RALYL: variants seen among roughly 807,000 people sequenced by gnomAD.
RALYL encodes RNA-binding Raly-like protein.
Under a neutral mutation model 35.1 loss-of-function variants are expected in RALYL, and 29 were observed. The ratio of observed to expected loss-of-function variants is 0.83; its 90% confidence interval spans 0.61 to 1.13. RALYL has a LOEUF of 1.13. RALYL is among the 50% of genes most tolerant of loss of function. The pLI, the probability that RALYL is intolerant of heterozygous loss-of-function variation, is 0.00. For missense variants in RALYL, 359 were observed against 360.4 expected (o/e 1.00, Z 0.03); for synonymous variants, 120 against 127.6 (o/e 0.94, Z 0.40).
At chr8:84,514,230 A>G (rs1005289465) in intron 1 of RALYL, among the ~76,000 whole-genome samples, 1 of 152,092 alleles carries the variant, frequency 6.6e-6, no homozygotes, top group South Asian at 2.1e-4. Flanking sequence ...TGCTACTTCT[A>G]AAAGTAATAA....
At position 84,400,424 on chromosome 8, in the gene RALYL, G is replaced by C. The variant is rs181383896; in HGVS notation, c.-23-128875G>C. Among the ~76,000 whole-genome samples, 9 of 152,264 alleles carry C rather than the reference G, an allele frequency of 5.9e-5. No individual in the cohort carries two copies. In the East Asian group the frequency reaches 7.7e-4, roughly 13 times the overall value. ...TTTTCAGACTTGGGATGCTCAGCCT[G>C]TGCTGGAATTGCAAGAATGTTCAGA... On this transcript the variant is annotated intron_variant, in intron 1 of 8. Transcript: ENST00000521268.
chr8:84,563,525 A>T (rs537397043), intron 2 of RALYL, among the ~76,000 whole-genome samples: 1 of 151,882 alleles, frequency 6.6e-6, no homozygotes, highest in African/African-American at 2.4e-5. Context: ...GGGCAGATTT[A>T]GAGCCTTTAG....
At chr8:84,623,364 AG>A (rs1268237238) in intron 2 of RALYL, among the ~76,000 whole-genome samples, 1 of 152,208 alleles carries the variant, frequency 6.6e-6, no homozygotes, top group African/African-American at 2.4e-5. Context: ...TTCACTTCAA[AG>A]GGCATATCTT....
At chr8:84,395,745 ACT>A (rs1861629895) in intron 1 of RALYL, among the ~76,000 whole-genome samples, 1 of 151,840 alleles carries the variant, frequency 6.6e-6, no homozygotes, top group Non-Finnish European at 1.5e-5. Context: ...TTTAAAATAT[ACT>A]CTCTTTTTTG....
chr8:84,660,799 G>T (rs552529464), intron 2 of RALYL, among the ~76,000 whole-genome samples: 39 of 152,124 alleles, frequency 2.6e-4, no homozygotes, highest in Middle Eastern at 3.5e-3. Context: ...ACTTCATATA[G>T]AACAAATTTT....
chr8:84,755,630 T>C (rs1182980895), intron 2 of RALYL, among the ~76,000 whole-genome samples: 4 of 152,160 alleles, frequency 2.6e-5, no homozygotes, highest in African/African-American at 7.2e-5. Flanking sequence ...GCTGTGTCTG[T>C]ATAAAAGTGC....
intron 2 of RALYL, among the ~76,000 whole-genome samples, chr8:84,546,476 T>G (rs2135357264): frequency 6.6e-6 from 1 of 152,308 alleles, no homozygotes; most frequent in Middle Eastern, 3.4e-3. Flanking sequence ...GTCAAACGTC[T>G]TTTTAGCATC....
intron 1 of RALYL, among the ~76,000 whole-genome samples, chr8:84,306,635 C>A (rs1841869953): frequency 6.6e-6 from 1 of 152,110 alleles, no homozygotes; most frequent in Non-Finnish European, 1.5e-5. Flanking sequence ...TGTTGGGCCC[C>A]CTTGTCTCAC....
At chr8:84,762,675 A>C (rs1034241139) in intron 2 of RALYL, among the ~76,000 whole-genome samples, 2 of 152,168 alleles carry the variant, frequency 1.3e-5, no homozygotes, top group Non-Finnish European at 2.9e-5. Flanking sequence ...TAGCTGCATT[A>C]CCTTGTGCAA....
chr8:84,319,712 G>T (rs1397135204), intron 1 of RALYL, among the ~76,000 whole-genome samples: 1 of 152,030 alleles, frequency 6.6e-6, no homozygotes, highest in East Asian at 1.9e-4. Flanking sequence ...AGTTATTGGT[G>T]CACAGAAGAG....
At chr8:84,571,346 G>A (rs1476195860) in intron 2 of RALYL, among the ~76,000 whole-genome samples, 2 of 151,676 alleles carry the variant, frequency 1.3e-5, no homozygotes, top group South Asian at 4.1e-4. Context: ...ATCTTGGCTG[G>A]TTGTAAGTTT....
intron 1 of RALYL, among the ~76,000 whole-genome samples, chr8:84,371,546 CA>C: frequency 6.7e-6 from 1 of 149,802 alleles, no homozygotes; most frequent in Non-Finnish European, 1.5e-5. Flanking sequence ...TTATCACACA[CA>C]CACACACACA....
intron 2 of RALYL, chr8:84,679,481 T>C: frequency 3.0e-6 from 1 of 332,982 alleles, no homozygotes; most frequent in South Asian, 2.6e-5. Context: ...ATAGGACTGA[T>C]GCTTGCTTCA....
chr8:84,508,844 A>G (rs2057381513), intron 1 of RALYL, among the ~76,000 whole-genome samples: 1 of 127,500 alleles, frequency 7.8e-6, no homozygotes, highest in African/African-American at 2.9e-5. Context: ...TATAAAAATT[A>G]TAATAAAAAC....
At chr8:84,655,911 C>G (rs1408686438) in intron 2 of RALYL, among the ~76,000 whole-genome samples, 1 of 152,140 alleles carries the variant, frequency 6.6e-6, no homozygotes, top group East Asian at 1.9e-4. Context: ...TCCCCTGAAT[C>G]AGCAACCTTG....
At chr8:84,865,785 G>C (rs929039029) in intron 6 of RALYL, among the ~76,000 whole-genome samples, 5 of 152,164 alleles carry the variant, frequency 3.3e-5, no homozygotes, top group African/African-American at 1.2e-4. Flanking sequence ...TAACAAGAAA[G>C]ACTCTAGTAA....
chr8:84,345,339 C>T (rs1849641826), intron 1 of RALYL, among the ~76,000 whole-genome samples: 1 of 151,924 alleles, frequency 6.6e-6, no homozygotes, highest in Admixed American at 6.6e-5. Flanking sequence ...TATCTGCCAA[C>T]TTTTCATTAG....
intron 2 of RALYL, among the ~76,000 whole-genome samples, chr8:84,579,414 T>G (rs1211658424): frequency 1.1e-4 from 16 of 152,272 alleles, no homozygotes; most frequent in Admixed American, 9.1e-4. Context: ...GCTGCAGCTG[T>G]GCCCAGGAGC....
At chr8:84,779,584 A>G (rs1817620968) in intron 3 of RALYL, among the ~76,000 whole-genome samples, 1 of 152,194 alleles carries the variant, frequency 6.6e-6, no homozygotes, top group Non-Finnish European at 1.5e-5. Flanking sequence ...TGACCATGAG[A>G]ATCAAGATTG....
Sources: allele counts gnomAD v4.1 joint callset (sites outside exome capture counted in the v4.1 genomes callset), GRCh38; gene constraint gnomAD v4.1.1; transcripts MANE v1.5; gene names NCBI Gene and HGNC (gene_info 2026-07-23, HGNC 2026-07-21).